Variants in LRRC37A2 observed in about 807,000 individuals in gnomAD.
The protein encoded by LRRC37A2 is leucine rich repeat containing 37 member A2.
In LRRC37A2, 9 loss-of-function variants were observed where a neutral mutation model predicts 68.8. That is an observed-to-expected ratio of 0.13 (90% CI 0.08 to 0.23). LRRC37A2 has a LOEUF of 0.23. Ranked by LOEUF, LRRC37A2 falls within the 10% of genes least tolerant of loss-of-function variation. The pLI is 1.00. For synonymous variants in LRRC37A2, 63 were observed against 367.6 expected (o/e 0.17, Z 9.48); for missense variants, 168 against 950.4 (o/e 0.18, Z 10.82).
the LRRC37A2 span, among the ~76,000 whole-genome samples, chr17:46,949,819 C>G: frequency 2.6e-5 from 4 of 152,088 alleles, no homozygotes; most frequent in Non-Finnish European, 5.9e-5. Flanking sequence ...GGGGTGTGCT[C>G]TGGGAAGGGC....
chr17:46,938,452 T>C, the LRRC37A2 span: 1 of 1,224,886 alleles, frequency 8.2e-7, no homozygotes, highest in South Asian at 1.2e-5. Flanking sequence ...TGAGAGTGGC[T>C]CTATTTCTGG....
chr17:46,929,521 C>T, the LRRC37A2 span: 2 of 1,518,054 alleles, frequency 1.3e-6, no homozygotes, highest in Non-Finnish European at 1.8e-6. Flanking sequence ...CTTTGATAGG[C>T]AGGTCCACGA....
the LRRC37A2 span, among the ~76,000 whole-genome samples, chr17:46,501,874 A>T: frequency 6.6e-6 from 1 of 151,026 alleles, no homozygotes; most frequent in Non-Finnish European, 1.5e-5. Context: ...CTTAGTAATG[A>T]CTCCAGGTAT....
chr17:46,828,543 G>C, the LRRC37A2 span, among the ~76,000 whole-genome samples: 57 of 152,068 alleles, frequency 3.7e-4, no homozygotes, highest in Non-Finnish European at 6.6e-4. Flanking sequence ...TCTAGGTGGG[G>C]GTGAGGTTGC....
the LRRC37A2 span, among the ~76,000 whole-genome samples, chr17:46,492,699 T>G: frequency 3.0e-4 from 32 of 107,626 alleles, no homozygotes; most frequent in East Asian, 2.2e-3. Context: ...GTTTTTTTTT[T>G]TTTTTTTTTT....
the LRRC37A2 span, among the ~76,000 whole-genome samples, chr17:46,981,725 G>A: frequency 6.6e-6 from 1 of 151,914 alleles, no homozygotes; most frequent in Non-Finnish European, 1.5e-5. Flanking sequence ...TTTTTATTTT[G>A]AGACAGGATC....
chr17:47,009,330 T>C, the LRRC37A2 span, among the ~76,000 whole-genome samples: 12 of 152,238 alleles, frequency 7.9e-5, no homozygotes, highest in African/African-American at 2.9e-4. Context: ...ACAGACGGCC[T>C]GTGGCATCCA....
the LRRC37A2 span, among the ~76,000 whole-genome samples, chr17:46,796,769 G>C: frequency 2.0e-5 from 3 of 152,230 alleles, no homozygotes; most frequent in Admixed American, 6.5e-5. Context: ...GCATAGGAGA[G>C]GGGGCTCAGC....
chr17:46,944,848 C>T, the LRRC37A2 span, among the ~76,000 whole-genome samples: 1 of 152,144 alleles, frequency 6.6e-6, no homozygotes, highest in African/African-American at 2.4e-5. Flanking sequence ...GATCCACCCA[C>T]CTCGGCCTCC....
the LRRC37A2 span, chr17:47,033,355 G>A: frequency 4.3e-6 from 3 of 699,480 alleles, no homozygotes; most frequent in East Asian, 8.0e-5. Context: ...GAGGAGCTTG[G>A]TGTGGGGAGA....
At position 46,529,208 on chromosome 17, in the gene LRRC37A2, C is replaced by G. The variant is rs1160381762; in HGVS notation, c.2906+5324C>G. Among the ~76,000 whole-genome samples, 62 of 130,022 alleles carry G rather than the reference C, an allele frequency of 4.8e-4. 1 individual carries two copies. Among genetic ancestry groups the G allele is most frequent in the African/African-American group, 1.7e-3 (62 of 36,938 alleles). 85.3% of individuals were successfully genotyped at this position (130,022 alleles called of 152,430 possible). A position where few individuals can be genotyped will look rare whatever the true frequency, so the allele number is the denominator to read the frequency against. On this transcript the variant is annotated intron_variant, in intron 6 of 14. Coordinates refer to ENST00000576629, the Ensembl canonical transcript of LRRC37A2. ...AAGAATTTGGAGGGAAAAAAAAGAACAAGCAAGAAATGTTCCCTTATTTTG... is the reference window on the plus strand; with the variant it reads ...AAGAATTTGGAGGGAAAAAAAAGAAGAAGCAAGAAATGTTCCCTTATTTTG...
At chr17:46,967,466 A>T in the LRRC37A2 span, among the ~76,000 whole-genome samples, 13 of 152,332 alleles carry the variant, frequency 8.5e-5, no homozygotes, top group African/African-American at 3.1e-4. Context: ...ATTCTGTTTC[A>T]TGGGTGAGGT....
At chr17:46,942,184 C>T in the LRRC37A2 span, among the ~76,000 whole-genome samples, 2 of 152,218 alleles carry the variant, frequency 1.3e-5, no homozygotes. Flanking sequence ...CCTAATTTGA[C>T]TTTCAGCTCC....
At chr17:46,849,845 A>ACCTC in the LRRC37A2 span, among the ~76,000 whole-genome samples, 1 of 131,902 alleles carries the variant, frequency 7.6e-6, no homozygotes, top group Non-Finnish European at 1.6e-5. Flanking sequence ...TAGGCATTTA[A>ACCTC]TATCTTTTTT....
the LRRC37A2 span, among the ~76,000 whole-genome samples, chr17:46,839,511 C>T: frequency 6.6e-6 from 1 of 152,178 alleles, no homozygotes; most frequent in African/African-American, 2.4e-5. Context: ...CATGCACAGG[C>T]TGTAAATTCT....
the LRRC37A2 span, among the ~76,000 whole-genome samples, chr17:46,764,852 C>G: frequency 6.6e-6 from 1 of 152,244 alleles, no homozygotes; most frequent in East Asian, 1.9e-4. Flanking sequence ...AGAATGGGAT[C>G]GAAATTCTAC....
At chr17:46,493,012 T>C in the LRRC37A2 span, among the ~76,000 whole-genome samples, 2 of 148,944 alleles carry the variant, frequency 1.3e-5, no homozygotes, top group Non-Finnish European at 2.9e-5. Context: ...TTTTTTTTTT[T>C]TTTTGGCCAC....
chr17:46,758,840 C>G, the LRRC37A2 span, among the ~76,000 whole-genome samples: 1 of 152,114 alleles, frequency 6.6e-6, no homozygotes, highest in Non-Finnish European at 1.5e-5. Context: ...ACACCCCAGC[C>G]CAAACACAGA....
At chr17:46,844,157 G>A in the LRRC37A2 span, among the ~76,000 whole-genome samples, 1 of 151,848 alleles carries the variant, frequency 6.6e-6, no homozygotes, top group Non-Finnish European at 1.5e-5. Flanking sequence ...GGGTCTCACT[G>A]TGTTGCTGAG....
Sources: gnomAD v4.1 joint callset for allele counts (sites outside exome capture counted in the v4.1 genomes callset) on GRCh38, gnomAD v4.1.1 for gene constraint, MANE v1.5 for transcripts, NCBI Gene and HGNC (gene_info 2026-07-23, HGNC 2026-07-21) for gene names.